Variants in TF observed in about 807,000 individuals in gnomAD.
The protein encoded by TF is serotransferrin.
Under a neutral mutation model 82.4 loss-of-function variants are expected in TF, and 55 were observed. The ratio of observed to expected loss-of-function variants is 0.67; its 90% confidence interval spans 0.54 to 0.84. The LOEUF is 0.84. TF is among the 40% of genes least tolerant of loss of function. The probability of loss-of-function intolerance (pLI) is 0.00; values close to 1 mark genes in which losing one functional copy is unlikely to be tolerated. For synonymous variants in TF, 332 were observed against 332.6 expected (o/e 1.00, Z 0.02); for missense variants, 737 against 868.4 (o/e 0.85, Z 1.90).
chr3:133,758,915 C>A (rs1290222304), intron 8 of TF, among the ~76,000 whole-genome samples: 1 of 152,144 alleles, frequency 6.6e-6, no homozygotes, highest in African/African-American at 2.4e-5. Flanking sequence ...AGGAAAAAAA[C>A]AGCCAGAGGT....
chr3:133,664,249 A>G, the TF span, among the ~76,000 whole-genome samples: 1 of 152,318 alleles, frequency 6.6e-6, no homozygotes, highest in Non-Finnish European at 1.5e-5. Flanking sequence ...ATTGATTCCA[A>G]GGCCCCCTAC....
Position 133,757,015 on chromosome 3 carries a change from C to T in TF, c.870+6C>T. 1 of 1,614,170 alleles carries T rather than the reference C, an allele frequency of 6.2e-7. No individual in the cohort carries two copies. Among genetic ancestry groups the T allele is most frequent in the East Asian group, 2.2e-5 (1 of 44,868 alleles). ...AGCTTCTCAACCAGGCCCAGGTATC[C>T]CCACCTGCCATCCTCCCCTCCAGCT... On this transcript the variant is annotated splice_donor_region_variant and intron_variant, in intron 7 of 16. Coordinates refer to ENST00000402696, the MANE Select transcript of TF (RefSeq NM_001063.4).
intron 14 of TF, chr3:133,774,941 T>G: frequency 2.6e-6 from 1 of 383,462 alleles, no homozygotes; most frequent in Non-Finnish European, 5.0e-6. Context: ...ATCACACAGG[T>G]GTGTGCACAT....
chr3:133,784,957 G>GC lies in TF; in HGVS notation c.*6343dup, dbSNP rs1934620608. 2 of 80,176 alleles carry GC rather than the reference G, an allele frequency of 2.5e-5. No individual in the cohort carries two copies. Among genetic ancestry groups the GC allele is most frequent in the African/African-American group, 3.4e-5 (1 of 29,456 alleles). The allele number at this position is 80,176 out of a possible 1,614,324, so 5.0% of individuals were successfully genotyped here. ...ATTTTTTAGGGAGGTGGGGGGGTCA[G>GC]CCCCCCGCCTGGCCAGCCGCCCCGT... On this transcript the variant is annotated 3_prime_UTR_variant, in exon 17 of 17. Coordinates refer to ENST00000402696, the MANE Select transcript of TF (RefSeq NM_001063.4).
intron 8 of TF, 105 bp from the exon 9 acceptor site, chr3:133,759,070 T>C: frequency 1.4e-6 from 2 of 1,431,378 alleles, no homozygotes; most frequent in Non-Finnish European, 2.0e-6. Context: ...TGTTTGTTTA[T>C]TGCTGGCAAA....
chr3:133,750,240 T>TA (rs34012145), intron 2 of TF, among the ~76,000 whole-genome samples: 1 of 152,176 alleles, frequency 6.6e-6, no homozygotes, highest in African/African-American at 2.4e-5. Context: ...GCAAGCACTT[T>TA]AAGGGGAACC....
chr3:133,711,432 C>T, the TF span, among the ~76,000 whole-genome samples: 1 of 152,170 alleles, frequency 6.6e-6, no homozygotes, highest in Admixed American at 6.5e-5. Context: ...TCATCCTGTT[C>T]AAAACTGAAT....
intron 2 of TF, among the ~76,000 whole-genome samples, chr3:133,748,982 A>T (rs891019584): frequency 2.7e-4 from 41 of 152,114 alleles, no homozygotes; most frequent in African/African-American, 9.9e-4. Context: ...CAACATGGCG[A>T]AACCCCATCT....
the TF span, among the ~76,000 whole-genome samples, chr3:133,723,065 G>GTT: frequency 8.3e-4 from 126 of 151,276 alleles, no homozygotes; most frequent in Non-Finnish European, 1.3e-3. Flanking sequence ...TTGGTTGACA[G>GTT]TTTTTTTTTC....
chr3:133,674,353 TCCCCGAAGTGCAGCCTTGCAGA>T, the TF span, among the ~76,000 whole-genome samples: 2 of 152,072 alleles, frequency 1.3e-5, no homozygotes, highest in Non-Finnish European at 2.9e-5. Flanking sequence ...GCTGCCCCCT[TCCCCGAAGTGCAGCCTTGCAGA>T]CCCCGGGGCT....
At chr3:133,674,755 C>G in the TF span, among the ~76,000 whole-genome samples, 1 of 152,024 alleles carries the variant, frequency 6.6e-6, no homozygotes, top group African/African-American at 2.4e-5. Flanking sequence ...GACAACCGGA[C>G]AGTCAGCGGG....
Position 133,777,059 on chromosome 3 carries a change from G to T in TF, c.1883G>T (p.Gly628Val), listed in dbSNP as rs760907412. ...CTGTTCACTTGACAGCACCTATTTG[G>T]AAGCAACGTAACTGACTGCTCGGGC... ...KILRQQQHLFGSNVTDCSGNF... is the reference protein window; with the variant it reads ...KILRQQQHLFVSNVTDCSGNF... The change falls in exon 16 of 17, where the codon GGA (glycine) becomes GTA (valine). Residue 628 changes from glycine (G) to valine (V), a missense_variant. Coordinates refer to ENST00000402696, the MANE Select transcript of TF (RefSeq NM_001063.4). 5 of 1,614,140 alleles carry T rather than the reference G, an allele frequency of 3.1e-6. No individual in the cohort carries two copies. Among genetic ancestry groups the T allele is most frequent in the Non-Finnish European group, 3.4e-6 (4 of 1,180,020 alleles).
chr3:133,746,914 G>A (rs1017284221), intron 1 of TF, among the ~76,000 whole-genome samples: 1 of 152,174 alleles, frequency 6.6e-6, no homozygotes, highest in African/African-American at 2.4e-5. Context: ...GCCATCGAGC[G>A]GTCAGAGCAT....
chr3:133,695,636 G>C, the TF span, among the ~76,000 whole-genome samples: 2 of 152,190 alleles, frequency 1.3e-5, no homozygotes, highest in African/African-American at 4.8e-5. Flanking sequence ...GATGGGTGAA[G>C]CTCATTAATG....
the TF span, among the ~76,000 whole-genome samples, chr3:133,686,616 C>T: frequency 1.3e-5 from 2 of 152,286 alleles, no homozygotes; most frequent in African/African-American, 2.4e-5. Flanking sequence ...CATCACTGGC[C>T]ATCAGAGAAA....
chr3:133,764,050 G>T, intron 9 of TF, 132 bp from the exon 10 acceptor site: 2 of 764,868 alleles, frequency 2.6e-6, no homozygotes, highest in Admixed American at 1.9e-5. Context: ...TCTTTTGGGG[G>T]TTCAGTATCA....
the TF span, among the ~76,000 whole-genome samples, chr3:133,664,309 C>T: frequency 6.6e-6 from 1 of 152,106 alleles, no homozygotes; most frequent in South Asian, 2.1e-4. Flanking sequence ...AACCTGTGCA[C>T]ATACTCCCAT....
At chr3:133,685,227 A>T in the TF span, among the ~76,000 whole-genome samples, 18 of 152,352 alleles carry the variant, frequency 1.2e-4, no homozygotes, top group Non-Finnish European at 2.4e-4. Context: ...GCTATCTGTG[A>T]CAAACCCACA....
chr3:133,698,979 C>T, the TF span, among the ~76,000 whole-genome samples: 1 of 152,234 alleles, frequency 6.6e-6, no homozygotes, highest in Non-Finnish European at 1.5e-5. Context: ...TAGTGGGGGA[C>T]CTGGGCCATC....
Sources: allele counts gnomAD v4.1 joint callset (sites outside exome capture counted in the v4.1 genomes callset), GRCh38; gene constraint gnomAD v4.1.1; transcripts MANE v1.5; gene names NCBI Gene and HGNC (gene_info 2026-07-23, HGNC 2026-07-21).